SERGEF: variants seen among roughly 807,000 people sequenced by gnomAD.
SERGEF encodes the protein secretion regulating guanine nucleotide exchange factor.
In SERGEF, 51 loss-of-function variants were observed where a neutral mutation model predicts 50.0. That is an observed-to-expected ratio of 1.02 (90% CI 0.81 to 1.29). SERGEF has a LOEUF of 1.29. Among genes scored for constraint, SERGEF ranks in the 50% most tolerant of loss-of-function variants. SERGEF has a pLI of 0.00. For missense variants in SERGEF, 521 were observed against 557.0 expected (o/e 0.94, Z 0.65); for synonymous variants, 205 against 212.4 (o/e 0.97, Z 0.30).
At chr11:17,970,365 G>A (rs1025116552) in intron 8 of SERGEF, among the ~76,000 whole-genome samples, 2 of 151,924 alleles carry the variant, frequency 1.3e-5, no homozygotes, top group Admixed American at 6.6e-5. Flanking sequence ...AAACTTAATC[G>A]ATTGTGTTCT....
At chr11:17,789,216 A>T (rs552056944) in intron 10 of SERGEF, among the ~76,000 whole-genome samples, 1 of 152,264 alleles carries the variant, frequency 6.6e-6, no homozygotes, top group South Asian at 2.1e-4. Flanking sequence ...TCCAAATCAG[A>T]TTCTCATGAC....
At chr11:17,821,715 T>A (rs1302714607) in intron 10 of SERGEF, among the ~76,000 whole-genome samples, 1 of 152,236 alleles carries the variant, frequency 6.6e-6, no homozygotes, top group Non-Finnish European at 1.5e-5. Flanking sequence ...AATCTCTCTA[T>A]ATTAATTCCG....
chr11:17,841,846 G>A (rs867889534), intron 10 of SERGEF, among the ~76,000 whole-genome samples: 1 of 152,046 alleles, frequency 6.6e-6, no homozygotes, highest in Non-Finnish European at 1.5e-5. Context: ...CACCATGGGG[G>A]CCATATTTGT....
At chr11:17,879,696 T>C (rs1024292444) in intron 9 of SERGEF, among the ~76,000 whole-genome samples, 1 of 152,200 alleles carries the variant, frequency 6.6e-6, no homozygotes, top group African/African-American at 2.4e-5. Flanking sequence ...TAATCTATTA[T>C]ATTCTTGAAA....
At chr11:17,833,197 A>AG (rs920117194) in intron 10 of SERGEF, among the ~76,000 whole-genome samples, 1 of 152,176 alleles carries the variant, frequency 6.6e-6, no homozygotes, top group Non-Finnish European at 1.5e-5. Flanking sequence ...TGTGCAGCCT[A>AG]GGGACTTGGT....
chr11:17,857,494 A>G (rs571294339), intron 10 of SERGEF, among the ~76,000 whole-genome samples: 1 of 152,322 alleles, frequency 6.6e-6, no homozygotes, highest in African/African-American at 2.4e-5. Context: ...TTTAAAAAGC[A>G]TCTGTCTAAG....
intron 3 of SERGEF, among the ~76,000 whole-genome samples, 180 bp downstream of exon 3, chr11:18,006,411 A>G (rs558475774): frequency 6.6e-6 from 1 of 152,260 alleles, no homozygotes; most frequent in East Asian, 1.9e-4. Context: ...CCTGACCTCA[A>G]GTGATACACC....
At chr11:18,002,448 A>G (rs896456531) in intron 4 of SERGEF, among the ~76,000 whole-genome samples, 18 of 152,132 alleles carry the variant, frequency 1.2e-4, no homozygotes, top group African/African-American at 3.6e-4. Context: ...CAACCATACT[A>G]AACTACTTAC....
At chr11:17,938,175 A>C (rs1852491893) in intron 9 of SERGEF, among the ~76,000 whole-genome samples, 1 of 152,206 alleles carries the variant, frequency 6.6e-6, no homozygotes, top group Non-Finnish European at 1.5e-5. Context: ...AGTGGTCCAA[A>C]GGCTTCACTT....
intron 6 of SERGEF, among the ~76,000 whole-genome samples, chr11:17,993,275 A>G (rs1853759505): frequency 1.3e-5 from 2 of 152,254 alleles, no homozygotes; most frequent in African/African-American, 4.8e-5. Flanking sequence ...AAAGGCTATA[A>G]TCAACCGTGT....
At chr11:17,855,047 T>C (rs1850791813) in intron 10 of SERGEF, 2 of 152,260 alleles carry the variant, frequency 1.3e-5, no homozygotes, top group South Asian at 2.1e-4. Flanking sequence ...GTTTCTTTCA[T>C]GGACTTAGTG....
At chr11:17,996,017 A>C in intron 5 of SERGEF, 108 bp from the exon 6 acceptor site, 1 of 785,414 alleles carries the variant, frequency 1.3e-6, no homozygotes, top group Non-Finnish European at 2.2e-6. Context: ...TTCTCAGTTA[A>C]TATGAGTGTT....
chr11:17,834,563 T>C (rs1295712049), intron 10 of SERGEF, among the ~76,000 whole-genome samples: 2 of 152,192 alleles, frequency 1.3e-5, no homozygotes, highest in Admixed American at 6.5e-5. Flanking sequence ...AATATATAAA[T>C]GCTTTACCCT....
At chr11:17,980,038 A>G (rs189696672) in intron 8 of SERGEF, among the ~76,000 whole-genome samples, 1 of 152,350 alleles carries the variant, frequency 6.6e-6, no homozygotes, top group Non-Finnish European at 1.5e-5. Flanking sequence ...TCTGAATGAA[A>G]GAAATCAGCC....
intron 9 of SERGEF, among the ~76,000 whole-genome samples, chr11:17,894,870 C>G (rs184705051): frequency 2.2e-4 from 34 of 152,312 alleles, no homozygotes; most frequent in Admixed American, 7.8e-4. Flanking sequence ...AGTGGCTAAA[C>G]AGAATGGCCT....
chr11:17,999,230 A>G (rs1296476891), intron 5 of SERGEF, among the ~76,000 whole-genome samples: 3 of 152,190 alleles, frequency 2.0e-5, no homozygotes, highest in African/African-American at 7.2e-5. Flanking sequence ...GGCTATAGAA[A>G]GGCAACAGGA....
At chr11:17,994,205 G>A (rs1853781762) in intron 6 of SERGEF, among the ~76,000 whole-genome samples, 1 of 152,080 alleles carries the variant, frequency 6.6e-6, no homozygotes, top group Admixed American at 6.6e-5. Context: ...TACTGAGAAA[G>A]GTGTATCTGA....
At chr11:17,992,583 T>C (rs981668583) in intron 7 of SERGEF, among the ~76,000 whole-genome samples, 1 of 152,214 alleles carries the variant, frequency 6.6e-6, no homozygotes, top group Non-Finnish European at 1.5e-5. Context: ...ATAAATTTAC[T>C]GTTGATTACA....
intron 6 of SERGEF, among the ~76,000 whole-genome samples, chr11:17,993,405 A>G (rs532483672): frequency 2.0e-5 from 3 of 152,208 alleles, no homozygotes; most frequent in Admixed American, 2.0e-4. Flanking sequence ...CTGTGTGTCT[A>G]TTTCCTAACT....
Sources: gnomAD v4.1 joint callset for allele counts (sites outside exome capture counted in the v4.1 genomes callset) on GRCh38, gnomAD v4.1.1 for gene constraint, MANE v1.5 for transcripts, NCBI Gene and HGNC (gene_info 2026-07-23, HGNC 2026-07-21) for gene names.